The following CCNF variants were observed in gnomAD, a reference collection of about 807,000 sequenced individuals.
CCNF encodes cyclin F.
Under a neutral mutation model 85.4 loss-of-function variants are expected in CCNF, and 30 were observed. The observed-to-expected ratio is 0.35, with a 90% CI of 0.26 to 0.48. The LOEUF is 0.48. Among genes scored for constraint, CCNF ranks in the 20% least tolerant of loss-of-function variants. The probability of loss-of-function intolerance (pLI) is 0.99; values close to 1 mark genes in which losing one functional copy is unlikely to be tolerated. For synonymous variants in CCNF, 439 were observed against 425.1 expected, an observed-to-expected ratio of 1.03 and a Z score of -0.40; for missense variants, 919 against 1,010.4, an observed-to-expected ratio of 0.91 and a Z score of 1.23.
In CCNF at chr16:2,438,134, T is replaced by C. The variant is rs370903607; in HGVS notation, c.594+11T>C. ...CTGAGTCTGTTCGAGGTGAGTCAAG[T>C]TGTTCTCTGCACTGGGACTTTGTGT... is the stretch of plus-strand genomic sequence containing the variant. On this transcript the variant is annotated intron_variant, in intron 6 of 16. Coordinates refer to ENST00000397066, the MANE Select transcript of CCNF (RefSeq NM_001761.3). 33 of 1,592,954 alleles carry C rather than the reference T, an allele frequency of 2.1e-5. No homozygotes were observed. The highest frequency in any genetic ancestry group is 2.6e-5 in the Non-Finnish European group (30 of 1,160,814).
chr16:2,434,907 G>A (rs919564124), intron 3 of CCNF, among the ~76,000 whole-genome samples: 8 of 152,288 alleles, frequency 5.3e-5, no homozygotes, highest in Admixed American at 3.9e-4. Flanking sequence ...ATGTTTTCAA[G>A]GTTCATCTGT....
intron 6 of CCNF, among the ~76,000 whole-genome samples, chr16:2,438,692 T>C (rs12926827): frequency 0.76 from 114,497 of 151,428 alleles, 44,203 homozygotes; most frequent in African/African-American, 0.92. Context: ...AGTAGAGTGA[T>C]TGAACATCAA....
intron 13 of CCNF, 71 bp downstream of exon 13, chr16:2,449,986 C>T: frequency 9.5e-7 from 1 of 1,048,828 alleles, no homozygotes; most frequent in Non-Finnish European, 1.5e-6. Context: ...GCGGGCAGAT[C>T]ATTTGAGGTC....
Position 2,435,837 on chromosome 16 carries a change from G to A in CCNF, c.310G>A (p.Val104Met). 1 of 1,613,852 alleles carries A rather than the reference G, an allele frequency of 6.2e-7. No individual in the cohort carries two copies. The highest frequency in any genetic ancestry group is 8.5e-7 in the Non-Finnish European group (1 of 1,179,860). ...TGAAAAGGGGAATTTCGAAGCTGCTGTGAAGCTGGGCATAGCCTACCTCTA... is the reference window on the plus strand; with the variant it reads ...TGAAAAGGGGAATTTCGAAGCTGCTATGAAGCTGGGCATAGCCTACCTCTA... Reference protein sequence around the residue: ...AAEKGNFEAAVKLGIAYLYNE... With the variant: ...AAEKGNFEAAMKLGIAYLYNE... Residue 104 changes from valine (V) to methionine (M), a missense_variant, in exon 4 of 17, where the codon GTG becomes ATG. Physicochemically the swap from Val to Met is conservative, Grantham distance 21. Around this residue, in one of 3 missense-constraint regions of CCNF, gnomAD observed 410 missense variants for 478.6 expected, o/e 0.86. Coordinates refer to ENST00000397066, the MANE Select transcript of CCNF (RefSeq NM_001761.3).
intron 8 of CCNF, among the ~76,000 whole-genome samples, chr16:2,441,416 G>A (rs1407581190): frequency 6.6e-6 from 1 of 152,048 alleles, no homozygotes; most frequent in African/African-American, 2.4e-5. Flanking sequence ...TTGTTTACAA[G>A]AAATGCAACA....
At chr16:2,433,345 G>C (rs1304218907) in intron 3 of CCNF, among the ~76,000 whole-genome samples, 1 of 152,174 alleles carries the variant, frequency 6.6e-6, no homozygotes, top group Non-Finnish European at 1.5e-5. Context: ...ACATGACCCA[G>C]ACAAGAGTCA....
intron 15 of CCNF, among the ~76,000 whole-genome samples, chr16:2,454,227 G>A (rs529602556): frequency 6.6e-6 from 1 of 152,298 alleles, no homozygotes; most frequent in East Asian, 1.9e-4. Context: ...GCTCCTGGCA[G>A]GAGACCTCAA....
At chr16:2,436,943 G>A (rs2065294105) in intron 4 of CCNF, 186 bp from the exon 5 acceptor site, 2 of 477,078 alleles carry the variant, frequency 4.2e-6, no homozygotes, top group South Asian at 4.2e-5. Flanking sequence ...ACCTGTTCTA[G>A]ACATTAATGA....
At position 2,437,319 on chromosome 16, in the gene CCNF, G is replaced by A. The variant is rs745923174; in HGVS notation, c.537G>A (p.Gln179=). 2.5e-6 allele frequency: 4 copies of A among 1,586,930 alleles called. No individual in the cohort carries two copies. Among genetic ancestry groups the A allele is most frequent in the South Asian group, 1.1e-5 (1 of 89,244 alleles). Residue 179 remains glutamine, a synonymous_variant, in exon 5 of 17, where the codon CAG becomes CAA. Coordinates refer to ENST00000397066, the MANE Select transcript of CCNF (RefSeq NM_001761.3). ...HESLRAECQL[Q]RTHKASILHC... is the part of the protein sequence containing the mutation. ...GCCTCAGGGCAGAGTGCCAGCTGCA[G>A]AGGGTGAGTCTGGGCGAGGGGCAGC...
At position 2,432,972 on chromosome 16, in the gene CCNF, G is replaced by C. The variant is rs776129398; in HGVS notation, c.183G>C (p.Gln61His). The C allele has an allele frequency of 6.9e-6, 11 of 1,604,640 alleles. No homozygotes were observed. The South Asian group carries it at 1.2e-4, about 18-fold the overall frequency. The change falls in exon 3 of 17, where the codon CAG becomes CAC. Residue 61 changes from glutamine to histidine, a missense_variant. Gln to His is a conservative substitution (Grantham distance 24). Around this residue, in one of 3 missense-constraint regions of CCNF, gnomAD observed 410 missense variants for 478.6 expected, o/e 0.86. Coordinates refer to ENST00000397066, the MANE Select transcript of CCNF (RefSeq NM_001761.3). The stretch of plus-strand genomic sequence containing the variant: ...CCGTTGTTCTGCAGGTACACTCCCA[G>C]CTGAAGGACCTGGTGGACAACCACG... ...DILAVRAVHS[Q>H]LKDLVDNHAS... is the part of the protein sequence containing the mutation.
chr16:2,435,637 GCACACACATA>G (rs1352832063), intron 3 of CCNF, among the ~76,000 whole-genome samples, 159 bp from the exon 4 acceptor site: 1 of 6,228 alleles, frequency 1.6e-4, no homozygotes, highest in African/African-American at 4.2e-3. Flanking sequence ...ACATATATAT[GCACACACATA>G]TATATATGCA....
intron 5 of CCNF, 57 bp downstream of exon 5, chr16:2,437,379 G>A: frequency 7.4e-7 from 1 of 1,359,908 alleles, no homozygotes; most frequent in Non-Finnish European, 9.9e-7. Context: ...CCAGGACACA[G>A]GAAGACCCCG....
Position 2,438,085 on chromosome 16 carries a change from A to G in CCNF, c.556A>G (p.Ile186Val). The G allele has an allele frequency of 1.2e-6, 2 of 1,611,712 alleles. No individual in the cohort carries two copies. Among genetic ancestry groups the G allele is most frequent in the South Asian group, 1.1e-5 (1 of 91,016 alleles). The change falls in exon 6 of 17, where the codon ATA (isoleucine) becomes GTA (valine). Residue 186 changes from isoleucine (I) to valine (V), a missense_variant. Physicochemically the swap from Ile to Val is conservative, Grantham distance 29. Transcript: ENST00000397066. The part of the protein sequence containing the change: ...CQLQRTHKAS[I>V]LHCLGRVLSL... ...TTTTTTAAAGACTCACAAAGCATCC[A>G]TATTGCACTGCTTGGGCAGAGTGCT...
chr16:2,445,535 A>G lies in CCNF; in HGVS notation c.1007A>G (p.Glu336Gly), dbSNP rs777646899. 9.3e-6 allele frequency: 15 copies of G among 1,613,834 alleles called. No individual in the cohort carries two copies. The Admixed American group carries it at 2.5e-4, about 27-fold the overall frequency. The change falls in exon 10 of 17, where the codon GAG becomes GGG. Residue 336 changes from glutamate (E) to glycine (G), a missense_variant. Glu to Gly is a moderately conservative substitution (Grantham distance 98). Coordinates refer to ENST00000397066, the MANE Select transcript of CCNF (RefSeq NM_001761.3). ...FTSLCLHLTVECVDRYLRRRL... is the reference protein window; with the variant it reads ...FTSLCLHLTVGCVDRYLRRRL... ...AGCCTGTGCCTGCACCTGACCGTGG[A>G]GTGTGTGGACCGGTACCTGCGGAGG...
At chr16:2,450,967 G>A (rs533883191) in intron 13 of CCNF, among the ~76,000 whole-genome samples, 4 of 152,316 alleles carry the variant, frequency 2.6e-5, no homozygotes, top group South Asian at 4.1e-4. Context: ...CGTCGTGCCC[G>A]GATGTGACCC....
intron 2 of CCNF, among the ~76,000 whole-genome samples, chr16:2,431,843 T>TG (rs991921460): frequency 2.6e-5 from 4 of 151,222 alleles, no homozygotes; most frequent in African/African-American, 9.7e-5. Flanking sequence ...TACCTTTTTT[T>TG]TTTTTGAGAC....
rs201813739 is a variant in CCNF at position 2,443,717 on chromosome 16, C to T, written c.846C>T (p.Ile282=). 1.1e-5 allele frequency: 18 copies of T among 1,614,046 alleles called. No homozygotes were observed. Among genetic ancestry groups the T allele is most frequent in the East Asian group, 2.2e-5 (1 of 44,888 alleles). ...TGGAGGTGAGAGCTTCCAGTGAGAT[C>T]GTCTGCCAGCTATTTCAGGCTTCCC... ...LGLEVRASSE[I]VCQLFQASQA... Residue 282 remains isoleucine, a synonymous_variant, in exon 9 of 17, where the codon ATC becomes ATT. Transcript: ENST00000397066.
At position 2,456,348 on chromosome 16, in the gene CCNF, T is replaced by C; in HGVS notation, c.1886-197T>C. Reference sequence around the variant, plus strand: ...AGATGGCCAACTTGTCATCTCCACATTTGTTGGAGTCATGGCGGGCAGCTG... The same window carrying C: ...AGATGGCCAACTTGTCATCTCCACACTTGTTGGAGTCATGGCGGGCAGCTG... On this transcript the variant is annotated intron_variant, in intron 16 of 16. Transcript: ENST00000397066. The surrounding 1 kb of genome is among the most constrained non-coding windows in gnomAD (Gnocchi z 4.5). 2.1e-6 allele frequency: 1 copy of C among 482,170 alleles called. No homozygotes were observed. Among genetic ancestry groups the C allele is most frequent in the Admixed American group, 3.8e-5 (1 of 26,416 alleles). The allele number at this position is 482,170 out of a possible 1,614,324, so 29.9% of individuals were successfully genotyped here.
chr16:2,449,457 G>A lies in CCNF; in HGVS notation c.1394G>A (p.Gly465Glu). Residue 465 changes from glycine (G) to glutamate (E), a missense_variant, in exon 12 of 17, where the codon GGG becomes GAG. This residue lies in a region of CCNF where 505 missense variants were observed against 514.8 expected (regional missense o/e 0.98). Transcript: ENST00000397066. ...AALLLARLTHGQTQPWTTQLW... is the reference protein window; with the variant it reads ...AALLLARLTHEQTQPWTTQLW... ...CTGCTCCTGGCCAGACTGACGCACG[G>A]GCAGAGTAAGGAGTGGCCCTTCCCA... 1 of 1,603,000 alleles carries A rather than the reference G, an allele frequency of 6.2e-7. No individual in the cohort carries two copies. Among genetic ancestry groups the A allele is most frequent in the Non-Finnish European group, 8.5e-7 (1 of 1,178,960 alleles).
Sources: gnomAD v4.1 joint callset for allele counts (sites outside exome capture counted in the v4.1 genomes callset) on GRCh38, gnomAD v4.1.1 for gene constraint, gnomAD v4.1.1 regional missense constraint, Gnocchi (gnomAD v3.1) non-coding constraint, MANE v1.5 for transcripts, NCBI Gene and HGNC (gene_info 2026-07-23, HGNC 2026-07-21) for gene names.